The following CMIP variants were observed in gnomAD, a reference collection of about 807,000 sequenced individuals.
CMIP encodes the protein c-Maf inducing protein.
A neutral mutation model predicts 97.3 loss-of-function variants in CMIP; 13 were observed. That is an observed-to-expected ratio of 0.13 (90% CI 0.09 to 0.21). The LOEUF (loss-of-function observed/expected upper bound fraction) is 0.21, where lower values mean the gene tolerates loss of function less well. Ranked by LOEUF, CMIP falls within the 10% of genes least tolerant of loss-of-function variation. CMIP has a pLI of 1.00. For missense variants in CMIP, 847 were observed against 1,024.9 expected (o/e 0.83, Z 2.37); for synonymous variants, 538 against 436.3 (o/e 1.23, Z -2.91).
At chr16:81,526,709 CA>C in intron 1 of CMIP, among the ~76,000 whole-genome samples, 1 of 152,152 alleles carries the variant, frequency 6.6e-6, no homozygotes, top group Non-Finnish European at 1.5e-5. Context: ...GTCCAAGGCA[CA>C]AAAAAGCTTA....
chr16:81,539,793 T>C (rs571449637), intron 1 of CMIP, among the ~76,000 whole-genome samples: 1 of 152,324 alleles, frequency 6.6e-6, no homozygotes, highest in East Asian at 1.9e-4. Context: ...GGACCTTCCA[T>C]GACCATTCCC....
At chr16:81,628,485 G>A (rs1422356701) in intron 3 of CMIP, among the ~76,000 whole-genome samples, 1 of 152,216 alleles carries the variant, frequency 6.6e-6, no homozygotes, top group Non-Finnish European at 1.5e-5. Context: ...CAGCCCTGAG[G>A]AGGTGCCTGT....
intron 1 of CMIP, among the ~76,000 whole-genome samples, chr16:81,506,715 C>A (rs1264855026): frequency 6.6e-6 from 1 of 152,214 alleles, no homozygotes; most frequent in Non-Finnish European, 1.5e-5. Flanking sequence ...GAGTTCGAGA[C>A]CAGCCTGGCC....
intron 2 of CMIP, among the ~76,000 whole-genome samples, chr16:81,611,770 C>G (rs974295767): frequency 2.0e-5 from 3 of 152,204 alleles, no homozygotes; most frequent in African/African-American, 7.2e-5. Flanking sequence ...TTGTAAAACT[C>G]TTACTTTGTT....
chr16:81,659,231 C>T lies in CMIP; in HGVS notation c.681+1415C>T, dbSNP rs117879640. Among the ~76,000 whole-genome samples, 14 of 152,270 alleles carry T rather than the reference C, an allele frequency of 9.2e-5. No homozygotes were observed. The East Asian group carries it at 2.7e-3, about 29-fold the overall frequency. The stretch of plus-strand genomic sequence containing the variant: ...CTGAGCATGTGAGTCTGACTATGTG[C>T]CAGACACAGATAGAGAGCTGGACAA... On this transcript the variant is annotated intron_variant, in intron 5 of 20. Transcript: ENST00000537098.
intron 3 of CMIP, among the ~76,000 whole-genome samples, chr16:81,642,710 A>G (rs1321228569): frequency 6.6e-6 from 1 of 152,178 alleles, no homozygotes; most frequent in Non-Finnish European, 1.5e-5. Context: ...AGCCTGGTCA[A>G]CATGGCGAAA....
intron 2 of CMIP, among the ~76,000 whole-genome samples, chr16:81,615,840 A>C (rs1360825974): frequency 6.6e-6 from 1 of 151,698 alleles, no homozygotes; most frequent in African/African-American, 2.4e-5. Context: ...GGGTCCATAA[A>C]CCCCCCTGAA....
At chr16:81,660,821 T>C (rs2092537235) in intron 5 of CMIP, 63 bp from the exon 6 acceptor site, 1 of 1,574,140 alleles carries the variant, frequency 6.4e-7, no homozygotes, top group East Asian at 2.2e-5. Context: ...GCCTGGAGAT[T>C]GTTCGAAGTC....
intron 1 of CMIP, among the ~76,000 whole-genome samples, chr16:81,566,068 G>A (rs971429504): frequency 2.0e-5 from 3 of 152,222 alleles, no homozygotes; most frequent in Non-Finnish European, 4.4e-5. Flanking sequence ...GGGGACCTGG[G>A]AGACGTTGAC....
At chr16:81,480,572 AG>A (rs1389857634) in intron 1 of CMIP, among the ~76,000 whole-genome samples, 12 of 152,270 alleles carry the variant, frequency 7.9e-5, no homozygotes, top group Admixed American at 7.2e-4. Context: ...CTGAGTCCAA[AG>A]CCCTGACCCA....
At chr16:81,667,795 A>AGGGT (rs1201342935) in intron 7 of CMIP, among the ~76,000 whole-genome samples, 1 of 68,040 alleles carries the variant, frequency 1.5e-5, no homozygotes, top group Non-Finnish European at 2.9e-5. Context: ...AGAGAGAGAG[A>AGGGT]GAGAGTGTGT....
chr16:81,593,564 G>A (rs918355646), intron 1 of CMIP, among the ~76,000 whole-genome samples: 7 of 152,358 alleles, frequency 4.6e-5, no homozygotes, highest in Admixed American at 1.3e-4. Context: ...GGAGTAATCC[G>A]TGGATGATGG....
At chr16:81,529,980 C>T (rs140857551) in intron 1 of CMIP, among the ~76,000 whole-genome samples, 118 of 152,306 alleles carry the variant, frequency 7.7e-4, no homozygotes, top group African/African-American at 2.7e-3. Context: ...GCAGGGACAT[C>T]TGAAAACCTT....
chr16:81,457,115 G>C (rs1398231839), intron 1 of CMIP, among the ~76,000 whole-genome samples: 1 of 152,010 alleles, frequency 6.6e-6, no homozygotes, highest in Non-Finnish European at 1.5e-5. Context: ...TCTGGCCTCA[G>C]CTTCCCCATG....
intron 3 of CMIP, among the ~76,000 whole-genome samples, chr16:81,648,026 G>C (rs991735406): frequency 1.5e-5 from 2 of 134,674 alleles, no homozygotes; most frequent in Admixed American, 1.5e-4. Flanking sequence ...CACCCGCAGA[G>C]CCGTAGCCCA....
intron 1 of CMIP, chr16:81,519,467 C>G (rs1469110555): frequency 6.6e-6 from 1 of 152,346 alleles, no homozygotes. Context: ...CTGGGCTGTT[C>G]TCTACTCAGG....
At chr16:81,492,077 T>C (rs1000909538) in intron 1 of CMIP, among the ~76,000 whole-genome samples, 2 of 152,214 alleles carry the variant, frequency 1.3e-5, no homozygotes, top group African/African-American at 4.8e-5. Context: ...TGTAGCGTTT[T>C]TATCCTTTCC....
At chr16:81,670,092 C>A (rs766098567) in intron 7 of CMIP, 50 bp from the exon 8 acceptor site, 4 of 1,551,606 alleles carry the variant, frequency 2.6e-6, no homozygotes, top group Non-Finnish European at 3.5e-6. Flanking sequence ...GCCCTGGGCT[C>A]CTGCCCTGCC....
At chr16:81,682,389 A>C (rs1234163948) in intron 10 of CMIP, among the ~76,000 whole-genome samples, 1 of 151,904 alleles carries the variant, frequency 6.6e-6, no homozygotes, top group African/African-American at 2.4e-5. Flanking sequence ...ACATGGAGAA[A>C]CCTCGTCTCT....
Sources: allele counts gnomAD v4.1 joint callset (sites outside exome capture counted in the v4.1 genomes callset), GRCh38; gene constraint gnomAD v4.1.1; transcripts MANE v1.5; gene names NCBI Gene and HGNC (gene_info 2026-07-23, HGNC 2026-07-21).